PLCH2: variants seen among roughly 807,000 people sequenced by gnomAD.
PLCH2 encodes the protein phospholipase C eta 2, also known as 1-phosphatidylinositol 4,5-bisphosphate phosphodiesterase eta-2.
A neutral mutation model predicts 134.7 loss-of-function variants in PLCH2; 98 were observed. That is an observed-to-expected ratio of 0.73 (90% CI 0.62 to 0.86). The LOEUF (loss-of-function observed/expected upper bound fraction) is 0.86. PLCH2 is among the 40% of genes least tolerant of loss of function. The probability of loss-of-function intolerance (pLI) is 0.00; values close to 1 mark genes in which losing one functional copy is unlikely to be tolerated. For missense variants in PLCH2, 1,994 were observed against 1,986.6 expected (o/e 1.00, Z -0.07); for synonymous variants, 974 against 827.5 (o/e 1.18, Z -3.04).
At chr1:2,434,428 G>A (rs1639228953) in intron 2 of PLCH2, among the ~76,000 whole-genome samples, 1 of 152,270 alleles carries the variant, frequency 6.6e-6, no homozygotes, top group Admixed American at 6.5e-5. Flanking sequence ...CCCACGCACA[G>A]GTTCCTTATC....
In PLCH2 at chr1:2,498,841, C is replaced by G; in HGVS notation, c.2434+13C>G. On this transcript the variant is annotated intron_variant, in intron 18 of 21. Coordinates refer to ENST00000378486, the MANE Select transcript of PLCH2 (RefSeq NM_014638.4). This position sits in a 1 kb window ranked among gnomAD's most constrained non-coding sequence, Gnocchi z 5.4. ...GTGGACGACAACGGTGAGGCTGGGC[C>G]GTGGCTCCGTCACACCTGTGATGGA... is the stretch of plus-strand genomic sequence containing the variant. The G allele has an allele frequency of 6.3e-7, 1 of 1,593,196 alleles. No individual in the cohort carries two copies.
intron 2 of PLCH2, among the ~76,000 whole-genome samples, chr1:2,431,876 C>T (rs1002317303): frequency 1.3e-5 from 2 of 152,274 alleles, no homozygotes; most frequent in South Asian, 4.1e-4. Flanking sequence ...GAGGCTCCTT[C>T]TTGGTTGAGC....
intron 2 of PLCH2, among the ~76,000 whole-genome samples, chr1:2,433,837 C>CG (rs986171686): frequency 6.6e-6 from 1 of 152,234 alleles, no homozygotes; most frequent in African/African-American, 2.4e-5. Context: ...CCCAAACCCC[C>CG]TCAGAGCCAT....
At chr1:2,466,874 A>AG (rs1252951916), upstream of PLCH2, among the ~76,000 whole-genome samples, 2 of 152,100 alleles carry the variant, frequency 1.3e-5, no homozygotes, top group Non-Finnish European at 2.9e-5. Flanking sequence ...GAGCACAGGA[A>AG]GGGGTGTAGC....
chr1:2,495,482 G>A lies in PLCH2; in HGVS notation c.1753-6G>A, dbSNP rs376024803. The A allele has an allele frequency of 1.2e-5, 18 of 1,550,652 alleles. No homozygotes were observed. The South Asian group carries it at 1.4e-4, about 12-fold the overall frequency. ...CCTACAGCTCACACCTCTGCCCCCC[G>A]CACAGAAGAAGGGCAGCAAGCTGAA... On this transcript the variant is annotated splice_region_variant and splice_polypyrimidine_tract_variant and intron_variant, in intron 12 of 21. Transcript: ENST00000378486.
At chr1:2,478,401 C>G in intron 1 of PLCH2, 75 bp from the exon 2 acceptor site, 1 of 1,560,814 alleles carries the variant, frequency 6.4e-7, no homozygotes, top group Admixed American at 1.7e-5. Flanking sequence ...GTGGCCGTGC[C>G]TCCGCTGACG....
rs1643489362 is a variant in PLCH2, at chr1:2,505,408, A to AG, written c.*199dup. 1 of 568,700 alleles carries AG rather than the reference A, an allele frequency of 1.8e-6. No individual in the cohort carries two copies. Among genetic ancestry groups the AG allele is most frequent in the South Asian group, 2.2e-5 (1 of 46,478 alleles). The allele number at this position is 568,700 out of a possible 1,614,324, so 35.2% of individuals were successfully genotyped here. On this transcript the variant is annotated 3_prime_UTR_variant, in exon 22 of 22. Coordinates refer to ENST00000378486, the MANE Select transcript of PLCH2 (RefSeq NM_014638.4). ...AAGCTGCTGGCCCGGGGCCCACAGG[A>AG]GGGGCTTCGAGGCTGGCCCTGCCAG...
upstream of PLCH2, among the ~76,000 whole-genome samples, chr1:2,466,941 C>T (rs1023977790): frequency 4.6e-5 from 7 of 152,252 alleles, no homozygotes; most frequent in South Asian, 4.1e-4. Flanking sequence ...TGCTGGAACT[C>T]GGCCTCCCCC....
Position 2,478,400 on chromosome 1 carries a change from C to A in PLCH2, c.125-76C>A. ...GTTTCTCCCGTGAGGAGTGGCCGTGCCTCCGCTGACGGCCGTGTCTCTCCT... is the reference window on the plus strand; with the variant it reads ...GTTTCTCCCGTGAGGAGTGGCCGTGACTCCGCTGACGGCCGTGTCTCTCCT... On this transcript the variant is annotated intron_variant, in intron 1 of 21. Transcript: ENST00000378486. 1.2e-5 allele frequency: 18 copies of A among 1,550,954 alleles called. No homozygotes were observed. In the South Asian group the frequency reaches 1.9e-4, roughly 17 times the overall value.
intron 1 of PLCH2, among the ~76,000 whole-genome samples, chr1:2,469,187 CT>C (rs1174897060): frequency 1.3e-5 from 2 of 152,228 alleles, no homozygotes; most frequent in Non-Finnish European, 2.9e-5. Flanking sequence ...CTGCCCTGTG[CT>C]GGCCACTGGG....
At chr1:2,426,988 G>C (rs867426506) in intron 1 of PLCH2, among the ~76,000 whole-genome samples, 72 of 152,224 alleles carry the variant, frequency 4.7e-4, no homozygotes, top group African/African-American at 1.7e-3. Context: ...AGGACTGTGG[G>C]CAGCCAGTGG....
rs1643476505 is a variant in PLCH2 at position 2,505,145 on chromosome 1, G to A, written c.4183G>A (p.Ala1395Thr). 5 of 1,560,992 alleles carry A rather than the reference G, an allele frequency of 3.2e-6. No individual in the cohort carries two copies. Among genetic ancestry groups the A allele is most frequent in the Non-Finnish European group, 3.4e-6 (4 of 1,163,026 alleles). The change falls in exon 22 of 22, where the codon GCA (alanine) becomes ACA (threonine). Residue 1395 changes from alanine to threonine, a missense_variant. By Grantham distance (58) the Ala-to-Thr change is moderately conservative (BLOSUM62 0). Coordinates refer to ENST00000378486, the MANE Select transcript of PLCH2 (RefSeq NM_014638.4). ...CCACGAGGGCAGTGTGGATGCACCA[G>A]CACCCTCCAAGGGAGCCCTCGGGCC... ...VGHEGSVDAP[A>T]PSKGALGPAS... is the part of the protein sequence containing the mutation.
chr1:2,502,322 G>C lies in PLCH2; in HGVS notation c.2872G>C (p.Gly958Arg), dbSNP rs1224104914. The C allele has an allele frequency of 6.5e-7, 1 of 1,535,948 alleles. No homozygotes were observed. Among genetic ancestry groups the C allele is most frequent in the African/African-American group, 1.4e-5 (1 of 72,296 alleles). Residue 958 changes from glycine to arginine, a missense_variant, in exon 21 of 22, where the codon GGG becomes CGG. By Grantham distance (125) the Gly-to-Arg change is moderately radical. Coordinates refer to ENST00000378486, the MANE Select transcript of PLCH2 (RefSeq NM_014638.4). ...VLGTRDTGSKGVADDVVPPGP... is the reference protein window; with the variant it reads ...VLGTRDTGSKRVADDVVPPGP... ...GGGTACACGGGACACAGGCTCCAAG[G>C]GGGTGGCAGACGATGTGGTGCCCCC... is the stretch of plus-strand genomic sequence containing the variant.
At chr1:2,491,901 G>C (rs994835652) in intron 11 of PLCH2, among the ~76,000 whole-genome samples, 1 of 151,690 alleles carries the variant, frequency 6.6e-6, no homozygotes, top group African/African-American at 2.4e-5. Context: ...CTGGTGCACA[G>C]AGCCTCCTTG....
chr1:2,496,777 C>A (rs941346844), intron 14 of PLCH2, 51 bp from the exon 15 acceptor site: 26 of 1,610,348 alleles, frequency 1.6e-5, no homozygotes, highest in Non-Finnish European at 2.0e-5. Flanking sequence ...CTGCTGGGCG[C>A]CGGGCGAGGT....
chr1:2,428,020 C>T (rs924741885), intron 1 of PLCH2, among the ~76,000 whole-genome samples: 8 of 152,292 alleles, frequency 5.3e-5, no homozygotes, highest in East Asian at 1.9e-4. Context: ...TGTGTGTGGT[C>T]GTTGCACCCT....
At chr1:2,425,341 A>C (rs571654752), upstream of PLCH2, among the ~76,000 whole-genome samples, 15 of 152,096 alleles carry the variant, frequency 9.9e-5, no homozygotes, top group South Asian at 1.7e-3. Context: ...ACACCCCCCC[A>C]CACACATTTT....
chr1:2,479,024 T>G, intron 2 of PLCH2: 1 of 205,256 alleles, frequency 4.9e-6, no homozygotes, highest in Non-Finnish European at 9.9e-6. Context: ...GCATGGCTGC[T>G]GGAGGGAGCA....
intron 1 of PLCH2, among the ~76,000 whole-genome samples, chr1:2,468,661 A>T (rs527947312): frequency 2.0e-5 from 3 of 152,296 alleles, no homozygotes; most frequent in African/African-American, 7.2e-5. Context: ...GTTTCCAGGG[A>T]CAGTAGGAGC....
Sources: gnomAD v4.1 joint callset for allele counts (sites outside exome capture counted in the v4.1 genomes callset) on GRCh38, gnomAD v4.1.1 for gene constraint, Gnocchi (gnomAD v3.1) non-coding constraint, MANE v1.5 for transcripts, NCBI Gene and HGNC (gene_info 2026-07-23, HGNC 2026-07-21) for gene names.